The following PLXNA4 variants were observed in gnomAD, a reference collection of about 807,000 sequenced individuals.
PLXNA4 encodes plexin-A4.
In PLXNA4, 44 loss-of-function variants were observed where a neutral mutation model predicts 191.8. That is an observed-to-expected ratio of 0.23 (90% CI 0.18 to 0.29). The LOEUF (loss-of-function observed/expected upper bound fraction) is 0.29, where lower values mean the gene tolerates loss of function less well. Among genes scored for constraint, PLXNA4 ranks in the 10% least tolerant of loss-of-function variants. PLXNA4 has a pLI of 1.00. For synonymous variants in PLXNA4, 1,082 were observed against 1,009.5 expected, an observed-to-expected ratio of 1.07 and a Z score of -1.36; for missense variants, 1,800 against 2,488.8, an observed-to-expected ratio of 0.72 and a Z score of 5.89.
chr7:132,398,409 G>T (rs898352723), intron 3 of PLXNA4, among the ~76,000 whole-genome samples: 1 of 152,138 alleles, frequency 6.6e-6, no homozygotes. Flanking sequence ...TATTCGTGTC[G>T]CAACAAGGAA....
chr7:132,471,014 T>C (rs1796913365), intron 3 of PLXNA4, among the ~76,000 whole-genome samples: 1 of 152,062 alleles, frequency 6.6e-6, no homozygotes, highest in Non-Finnish European at 1.5e-5. Context: ...GGTGGGGCCT[T>C]GGGGGGTGTG....
In PLXNA4 at chr7:132,147,751, C is replaced by T. The variant is rs142236154; in HGVS notation, c.4864+149G>A. 1,943 of 1,014,626 alleles carry T rather than the reference C, an allele frequency of 1.9e-3. 4 individuals carry two copies. Among genetic ancestry groups the T allele is most frequent in the South Asian group, 2.5e-3 (147 of 59,964 alleles). The allele number at this position is 1,014,626 out of a possible 1,614,324, so 62.9% of individuals were successfully genotyped here. On this transcript the variant is annotated intron_variant, in intron 27 of 31. Coordinates refer to ENST00000321063, the MANE Select transcript of PLXNA4 (RefSeq NM_020911.2). The stretch of plus-strand genomic sequence containing the variant: ...GCCCGACTGAAACCAGGGTCCTCTT[C>T]CCCCACCTGGCTCTCTTCCCCGATG...
chr7:132,454,522 C>T (rs1015239585), intron 3 of PLXNA4, among the ~76,000 whole-genome samples: 14 of 151,976 alleles, frequency 9.2e-5, no homozygotes, highest in African/African-American at 3.4e-4. Context: ...ATAGAAAGGA[C>T]GTTGTTCTGA....
At position 132,165,054 on chromosome 7, in the gene PLXNA4, C is replaced by G. The variant is rs556326068; in HGVS notation, c.4353+80G>C. ...GAGCCAGGCCCAGTAAGGGAGGACTCGGGGGTGTGGAGCGATCCCCAGTCA... is the reference window on the plus strand; with the variant it reads ...GAGCCAGGCCCAGTAAGGGAGGACTGGGGGGTGTGGAGCGATCCCCAGTCA... On this transcript the variant is annotated intron_variant, in intron 23 of 31. Transcript: ENST00000321063. 2,162 of 1,546,264 alleles carry G rather than the reference C, an allele frequency of 1.4e-3. 48 individuals are homozygous for G. In the South Asian group the frequency reaches 0.025, roughly 18 times the overall value.
At chr7:132,333,672 A>G (rs1031841525) in intron 3 of PLXNA4, among the ~76,000 whole-genome samples, 1 of 152,152 alleles carries the variant, frequency 6.6e-6, no homozygotes, top group Non-Finnish European at 1.5e-5. Context: ...CTGCCAAAAG[A>G]TGAGAGGCAA....
At chr7:132,542,786 T>C (rs1156879792) in intron 1 of PLXNA4, among the ~76,000 whole-genome samples, 1 of 152,240 alleles carries the variant, frequency 6.6e-6, no homozygotes, top group African/African-American at 2.4e-5. Flanking sequence ...ATCCATTGAA[T>C]TCTTAATTTC....
chr7:132,161,059 A>G (rs183388571), intron 24 of PLXNA4, among the ~76,000 whole-genome samples: 1 of 152,090 alleles, frequency 6.6e-6, no homozygotes, highest in African/African-American at 2.4e-5. Context: ...TCCTTCTAAG[A>G]GTCTTCTGGC....
At chr7:132,561,826 TCTC>T (rs1417899100) in intron 1 of PLXNA4, among the ~76,000 whole-genome samples, 6 of 83,616 alleles carry the variant, frequency 7.2e-5, no homozygotes, top group Non-Finnish European at 9.9e-5. Context: ...TCCTCCTTCT[TCTC>T]CTCCGCCTCC....
chr7:132,455,664 C>T (rs566618370), intron 3 of PLXNA4, among the ~76,000 whole-genome samples: 1 of 152,058 alleles, frequency 6.6e-6, no homozygotes, highest in East Asian at 1.9e-4. Context: ...TCTTTCTGGG[C>T]TTCGAAATTG....
intron 4 of PLXNA4, among the ~76,000 whole-genome samples, chr7:132,249,172 T>G (rs1385088700): frequency 6.6e-6 from 1 of 152,246 alleles, no homozygotes; most frequent in African/African-American, 2.4e-5. Context: ...GAACAAAATA[T>G]TCCCATTTTT....
chr7:132,602,753 C>CCA, intron 2 of PLXNA4, among the ~76,000 whole-genome samples: 1 of 152,226 alleles, frequency 6.6e-6, no homozygotes, highest in Non-Finnish European at 1.5e-5. Flanking sequence ...TGAGAATCAG[C>CCA]CATTGATACA....
intron 21 of PLXNA4, 117 bp from the exon 22 acceptor site, chr7:132,168,689 C>CTA: frequency 7.3e-7 from 1 of 1,378,620 alleles, no homozygotes; most frequent in Admixed American, 2.8e-5. Context: ...AAGCCACAGT[C>CTA]CACCTGGCTA....
At chr7:132,468,600 C>A (rs1441850653) in intron 3 of PLXNA4, among the ~76,000 whole-genome samples, 1 of 152,096 alleles carries the variant, frequency 6.6e-6, no homozygotes, top group African/African-American at 2.4e-5. Context: ...ACTCTTCCTG[C>A]AGATGTAGGA....
intron 3 of PLXNA4, among the ~76,000 whole-genome samples, chr7:132,478,765 G>A (rs1180395972): frequency 2.6e-5 from 4 of 152,062 alleles, no homozygotes; most frequent in Admixed American, 1.3e-4. Context: ...GTCGTCAGGT[G>A]GCTTCAACAT....
intron 4 of PLXNA4, among the ~76,000 whole-genome samples, chr7:132,259,089 T>C (rs1322776743): frequency 3.3e-5 from 5 of 152,128 alleles, no homozygotes; most frequent in Non-Finnish European, 7.4e-5. Flanking sequence ...GTGACTTAGC[T>C]TCTAAAGAGG....
chr7:132,331,136 T>C (rs965546059), intron 3 of PLXNA4, among the ~76,000 whole-genome samples: 1 of 152,212 alleles, frequency 6.6e-6, no homozygotes, highest in Non-Finnish European at 1.5e-5. Flanking sequence ...ATCACCTAGC[T>C]GTATAATAAC....
At chr7:132,219,538 G>A (rs1798075507) in intron 9 of PLXNA4, among the ~76,000 whole-genome samples, 2 of 152,196 alleles carry the variant, frequency 1.3e-5, no homozygotes, top group Admixed American at 1.3e-4. Flanking sequence ...AATGAAGAAT[G>A]AAGAGTTAAA....
intron 30 of PLXNA4, among the ~76,000 whole-genome samples, chr7:132,134,457 C>T (rs1795056405): frequency 6.6e-6 from 1 of 152,204 alleles, no homozygotes; most frequent in Admixed American, 6.5e-5. Flanking sequence ...CAGAGCATCC[C>T]TGGGCTAGTG....
chr7:132,417,002 T>A (rs1445899363), intron 3 of PLXNA4, among the ~76,000 whole-genome samples: 1 of 151,760 alleles, frequency 6.6e-6, no homozygotes. Context: ...AAAAAAAAAG[T>A]GACTATATCC....
Sources: gnomAD v4.1 joint callset for allele counts (sites outside exome capture counted in the v4.1 genomes callset) on GRCh38, gnomAD v4.1.1 for gene constraint, MANE v1.5 for transcripts, NCBI Gene and HGNC (gene_info 2026-07-23, HGNC 2026-07-21) for gene names.